PPFIBP1: variants seen among roughly 807,000 people sequenced by gnomAD.
PPFIBP1 encodes the protein PPFIB scaffold protein 1, also known as liprin-beta-1.
Under a neutral mutation model 137.8 loss-of-function variants are expected in PPFIBP1, and 112 were observed. That is an observed-to-expected ratio of 0.81 (90% CI 0.70 to 0.95). The LOEUF (loss-of-function observed/expected upper bound fraction) is 0.95. Among genes scored for constraint, PPFIBP1 ranks in the 40% least tolerant of loss-of-function variants. The pLI is 0.00. For synonymous variants in PPFIBP1, 378 were observed against 417.3 expected (o/e 0.91, Z 1.15); for missense variants, 1,083 against 1,196.6 (o/e 0.91, Z 1.40).
At chr12:27,678,134 G>A (rs2060639747) in intron 19 of PPFIBP1, 1 of 152,200 alleles carries the variant, frequency 6.6e-6, no homozygotes, top group Non-Finnish European at 1.5e-5. Flanking sequence ...AGATCTTGCT[G>A]AAACACTGTT....
At chr12:27,564,163 G>T (rs1213809914) in intron 1 of PPFIBP1, among the ~76,000 whole-genome samples, 2 of 152,190 alleles carry the variant, frequency 1.3e-5, no homozygotes, top group Non-Finnish European at 2.9e-5. Flanking sequence ...GAGCCACCGT[G>T]CCTGGCCAAT....
rs984070164 is a variant in PPFIBP1 at position 27,667,261 on chromosome 12, C to G, written c.1087C>G (p.Pro363Ala). ...CAGTGATCTGGAGAAAAGTCCATCA[C>G]CCACTCCAGTAATGGGATCTCCCAG... The part of the protein sequence containing the change: ...GFSDLEKSPS[P>A]TPVMGSPSCD... The change falls in exon 13 of 30, where the codon CCC becomes GCC. Residue 363 changes from proline to alanine, a missense_variant. By Grantham distance (27) the Pro-to-Ala change is conservative. Coordinates refer to ENST00000228425, the MANE Select transcript of PPFIBP1 (RefSeq NM_003622.4). 1 of 1,613,598 alleles carries G rather than the reference C, an allele frequency of 6.2e-7. No homozygotes were observed.
intron 2 of PPFIBP1, chr12:27,599,451 T>C (rs775937725): frequency 2.2e-6 from 1 of 455,918 alleles, no homozygotes; most frequent in South Asian, 1.5e-5. Context: ...AGTTAGCAGA[T>C]CTTGGGACTT....
chr12:27,528,100 C>A (rs545317799), intron 1 of PPFIBP1, among the ~76,000 whole-genome samples: 26 of 152,164 alleles, frequency 1.7e-4, no homozygotes, highest in Non-Finnish European at 3.5e-4. Flanking sequence ...AGGTGTATAC[C>A]ACAACGCCTG....
At chr12:27,556,673 G>A (rs902630336) in intron 1 of PPFIBP1, among the ~76,000 whole-genome samples, 6 of 152,314 alleles carry the variant, frequency 3.9e-5, no homozygotes, top group African/African-American at 1.2e-4. Flanking sequence ...TTTTCCTGCT[G>A]TAAGCTACTT....
At chr12:27,688,940 A>C in intron 26 of PPFIBP1, 75 bp from the exon 27 acceptor site, 1 of 1,486,754 alleles carries the variant, frequency 6.7e-7, no homozygotes. Flanking sequence ...AAAGCTTTGC[A>C]AATTATAAAG....
chr12:27,626,569 A>G (rs746456574), intron 2 of PPFIBP1, among the ~76,000 whole-genome samples: 12 of 149,116 alleles, frequency 8.0e-5, no homozygotes, highest in Non-Finnish European at 1.6e-4. Flanking sequence ...AGGGATTTGC[A>G]TTTCTTTTTT....
intron 1 of PPFIBP1, among the ~76,000 whole-genome samples, chr12:27,574,833 G>A (rs191552667): frequency 1.3e-5 from 2 of 152,176 alleles, no homozygotes; most frequent in South Asian, 2.1e-4. Context: ...TTTAGAAGGT[G>A]GAAATAATTT....
At chr12:27,583,577 A>G (rs2051367138) in intron 2 of PPFIBP1, among the ~76,000 whole-genome samples, 2 of 152,208 alleles carry the variant, frequency 1.3e-5, no homozygotes, top group South Asian at 4.1e-4. Flanking sequence ...CCTTTGAACA[A>G]GATTGGGCCT....
At chr12:27,592,601 G>A (rs2052655040) in intron 2 of PPFIBP1, 2 of 1,588,520 alleles carry the variant, frequency 1.3e-6, no homozygotes, top group South Asian at 2.2e-5. Context: ...GAGAGGATAT[G>A]CTGCCTCAGC....
chr12:27,572,938 C>T (rs1266245423), intron 1 of PPFIBP1, among the ~76,000 whole-genome samples: 3 of 152,156 alleles, frequency 2.0e-5, no homozygotes, highest in African/African-American at 7.2e-5. Context: ...CTAGGACTGA[C>T]CGCTGGCTTT....
intron 1 of PPFIBP1, among the ~76,000 whole-genome samples, chr12:27,555,217 A>G (rs903611759): frequency 2.0e-5 from 3 of 152,214 alleles, no homozygotes; most frequent in African/African-American, 7.2e-5. Flanking sequence ...TTTGTAAAAT[A>G]GCTAGCACCC....
At chr12:27,550,324 AT>A (rs935470823) in intron 1 of PPFIBP1, among the ~76,000 whole-genome samples, 5 of 151,940 alleles carry the variant, frequency 3.3e-5, no homozygotes, top group East Asian at 1.9e-4. Flanking sequence ...AAAGCCCCTG[AT>A]TTTTTTTGTA....
chr12:27,634,059 A>G (rs1593004359), intron 3 of PPFIBP1, among the ~76,000 whole-genome samples: 2 of 148,230 alleles, frequency 1.3e-5, no homozygotes, highest in South Asian at 4.3e-4. Context: ...CTGGTCTTAA[A>G]CTCCTGACCT....
chr12:27,650,694 AG>A (rs1464354679), intron 7 of PPFIBP1, among the ~76,000 whole-genome samples: 1 of 152,234 alleles, frequency 6.6e-6, no homozygotes, highest in Non-Finnish European at 1.5e-5. Flanking sequence ...TACAAAAATC[AG>A]GGTACATTCT....
chr12:27,656,653 A>G lies in PPFIBP1; in HGVS notation c.734A>G (p.Lys245Arg). Residue 245 changes from lysine (K) to arginine (R), a missense_variant, in exon 9 of 30, where the codon AAG becomes AGG. Coordinates refer to ENST00000228425, the MANE Select transcript of PPFIBP1 (RefSeq NM_003622.4). ...TCTTTAAAAGAACAACTAGAAGAAA[A>G]GGAATCTGAAGTAAAAAGGCTACAA... is the stretch of plus-strand genomic sequence containing the variant. ...LASLKEQLEE[K>R]ESEVKRLQEK... 1.2e-6 allele frequency: 2 copies of G among 1,612,388 alleles called. No individual in the cohort carries two copies. Among genetic ancestry groups the G allele is most frequent in the Non-Finnish European group, 1.7e-6 (2 of 1,178,702 alleles).
intron 2 of PPFIBP1, among the ~76,000 whole-genome samples, chr12:27,580,294 GTA>G (rs1317589033): frequency 6.6e-6 from 1 of 152,222 alleles, no homozygotes; most frequent in African/African-American, 2.4e-5. Context: ...GAACTTAAAA[GTA>G]TAGAACTAGG....
chr12:27,661,674 A>G (rs2059562495), intron 11 of PPFIBP1, among the ~76,000 whole-genome samples: 1 of 152,198 alleles, frequency 6.6e-6, no homozygotes. Context: ...GAACCAGGGG[A>G]CATTTTCCCA....
At chr12:27,617,277 G>A (rs779789147) in intron 2 of PPFIBP1, among the ~76,000 whole-genome samples, 22 of 152,066 alleles carry the variant, frequency 1.4e-4, no homozygotes, top group South Asian at 2.1e-4. Flanking sequence ...CTCAAGTTTC[G>A]AGGTGCCACT....
Sources: allele counts gnomAD v4.1 joint callset (sites outside exome capture counted in the v4.1 genomes callset), GRCh38; gene constraint gnomAD v4.1.1; transcripts MANE v1.5; gene names NCBI Gene and HGNC (gene_info 2026-07-23, HGNC 2026-07-21).